Variants in TMEM74 observed in about 807,000 individuals in gnomAD.
The protein encoded by TMEM74 is transmembrane protein 74.
TMEM74 carries 13 observed loss-of-function variants against 18.1 expected under a neutral mutation model. The observed-to-expected ratio is 0.72, with a 90% CI of 0.47 to 1.14. The LOEUF (loss-of-function observed/expected upper bound fraction) is 1.14, where lower values mean the gene tolerates loss of function less well. TMEM74 is among the 50% of genes most tolerant of loss of function. The pLI is 0.00. For missense variants in TMEM74, 372 were observed against 375.9 expected, an observed-to-expected ratio of 0.99 and a Z score of 0.09; for synonymous variants, 159 against 146.6, an observed-to-expected ratio of 1.08 and a Z score of -0.61.
At chr8:108,703,629 A>G (rs894667073) in intron 1 of TMEM74, among the ~76,000 whole-genome samples, 1 of 152,184 alleles carries the variant, frequency 6.6e-6, no homozygotes, top group African/African-American at 2.4e-5. Context: ...CCTGTTTCAT[A>G]CTTATGCCTG....
At chr8:108,678,558 A>C (rs1247538046) in intron 1 of TMEM74, among the ~76,000 whole-genome samples, 1 of 149,416 alleles carries the variant, frequency 6.7e-6, no homozygotes, top group African/African-American at 2.5e-5. Context: ...TTTTTAGTAG[A>C]GACAAGGTCT....
chr8:108,649,665 A>G (rs1812753559), intron 2 of TMEM74, among the ~76,000 whole-genome samples: 1 of 152,210 alleles, frequency 6.6e-6, no homozygotes, highest in Non-Finnish European at 1.5e-5. Flanking sequence ...ACAAGCAGCC[A>G]GTAGCACCAG....
intron 2 of TMEM74, among the ~76,000 whole-genome samples, chr8:108,620,563 A>G (rs1489198596): frequency 2.0e-5 from 3 of 152,110 alleles, no homozygotes; most frequent in Admixed American, 6.6e-5. Context: ...CAAGAAGTTG[A>G]TTTGCTCCAG....
intron 2 of TMEM74, among the ~76,000 whole-genome samples, chr8:108,639,249 AAT>A (rs1421790893): frequency 1.3e-5 from 2 of 152,176 alleles, no homozygotes; most frequent in Non-Finnish European, 2.9e-5. Context: ...ACATGTAGCT[AAT>A]ACTATTATTT....
chr8:108,728,965 A>G (rs1563536877), intron 1 of TMEM74, among the ~76,000 whole-genome samples: 1 of 152,348 alleles, frequency 6.6e-6, no homozygotes, highest in East Asian at 1.9e-4. Flanking sequence ...AAGTGCGAGA[A>G]TTATAAAGTC....
intron 2 of TMEM74, among the ~76,000 whole-genome samples, chr8:108,627,056 G>A (rs1563735335): frequency 6.6e-6 from 1 of 151,970 alleles, no homozygotes; most frequent in East Asian, 1.9e-4. Flanking sequence ...TTCCCTTTAA[G>A]TGTGTAAAAA....
chr8:108,628,895 T>G (rs967925484), intron 2 of TMEM74, among the ~76,000 whole-genome samples: 3 of 151,720 alleles, frequency 2.0e-5, no homozygotes, highest in Admixed American at 1.3e-4. Context: ...GATGGTGAGA[T>G]TTTTTTTTCA....
At chr8:108,714,423 A>AGAT (rs1430597553) in intron 1 of TMEM74, among the ~76,000 whole-genome samples, 1 of 152,208 alleles carries the variant, frequency 6.6e-6, no homozygotes, top group Admixed American at 6.5e-5. Flanking sequence ...CCAAGAAAGG[A>AGAT]GATATAGATA....
chr8:108,784,426 C>T lies in TMEM74; in HGVS notation c.673G>A (p.Gly225Arg). 2.5e-6 allele frequency: 4 copies of T among 1,614,116 alleles called. No individual in the cohort carries two copies. Among genetic ancestry groups the T allele is most frequent in the Non-Finnish European group, 3.4e-6 (4 of 1,180,022 alleles). ...ERLEKESARL[G>R]AHLDRCVIAG... ...ATCACACAGCGGTCCAGGTGAGCCC[C>T]CAGCCTCGCACTCTCCTTCTCCAGG... Residue 225 changes from glycine (G) to arginine (R), a missense_variant, in exon 2 of 2, where the codon GGG becomes AGG. Gly to Arg is a moderately radical substitution (Grantham distance 125). Coordinates refer to ENST00000297459, the MANE Select transcript of TMEM74 (RefSeq NM_153015.3).
At chr8:108,718,864 C>T (rs2130629497) in intron 1 of TMEM74, among the ~76,000 whole-genome samples, 1 of 151,692 alleles carries the variant, frequency 6.6e-6, no homozygotes, top group South Asian at 2.1e-4. Flanking sequence ...TAAATGTGCT[C>T]ATTTTTAAAA....
intron 1 of TMEM74, among the ~76,000 whole-genome samples, chr8:108,756,634 GGA>G (rs1813969523): frequency 5.1e-5 from 4 of 78,326 alleles, no homozygotes; most frequent in African/African-American, 1.8e-4. Context: ...AAGGAAGGAA[GGA>G]AGGAAGAAAG....
chr8:108,714,110 T>C (rs1453302365), intron 1 of TMEM74, among the ~76,000 whole-genome samples: 2 of 152,200 alleles, frequency 1.3e-5, no homozygotes, highest in African/African-American at 4.8e-5. Flanking sequence ...CCCCTCAGAC[T>C]CACATGCTAA....
chr8:108,648,395 G>A (rs1812742024), intron 2 of TMEM74, among the ~76,000 whole-genome samples: 1 of 152,098 alleles, frequency 6.6e-6, no homozygotes. Flanking sequence ...CAACTGCCAG[G>A]TAGGTAAGAG....
At chr8:108,607,471 G>A (rs551156925) in exon 4 of TMEM74, 55 of 152,166 alleles carry the variant, frequency 3.6e-4, no homozygotes, top group Non-Finnish European at 5.3e-4. Context: ...GAGAATCTGC[G>A]CAATTAGATT....
At chr8:108,656,462 G>A (rs1386825195) in intron 1 of TMEM74, among the ~76,000 whole-genome samples, 2 of 152,076 alleles carry the variant, frequency 1.3e-5, no homozygotes, top group African/African-American at 4.8e-5. Context: ...TAGTCCATTC[G>A]AACTTCAATA....
chr8:108,664,875 A>C (rs75648690), intron 1 of TMEM74, among the ~76,000 whole-genome samples: 1 of 152,256 alleles, frequency 6.6e-6, no homozygotes, highest in African/African-American at 2.4e-5. Flanking sequence ...TTGACTCTAC[A>C]ATATTACTTC....
intron 1 of TMEM74, among the ~76,000 whole-genome samples, chr8:108,751,169 C>G (rs1009851953): frequency 7.9e-5 from 12 of 152,064 alleles, no homozygotes; most frequent in Admixed American, 7.9e-4. Context: ...TGAACTCTAA[C>G]AGAATTGCTT....
chr8:108,720,757 A>ATTAGTTT lies in TMEM74; in HGVS notation n.120-65321_120-65320insAAACTAA, dbSNP rs1563534967. ...TTATTTATTTATTTATTTATTTATT[A>ATTAGTTT]GTTTGTTTGTTTGTTTGTTTGTTTA... is the stretch of plus-strand genomic sequence containing the variant. On this transcript the variant is annotated intron_variant and non_coding_transcript_variant, in intron 1 of 3. Transcript: ENST00000518838. Among the ~76,000 whole-genome samples the ATTAGTTT allele has an allele frequency of 1.0e-4, 5 of 49,562 alleles. No individual in the cohort carries two copies. The East Asian group carries it at 2.7e-3, about 27-fold the overall frequency. 32.5% of individuals were successfully genotyped at this position (49,562 alleles called of 152,430 possible).
intron 1 of TMEM74, among the ~76,000 whole-genome samples, chr8:108,664,217 G>T (rs1484109200): frequency 6.6e-6 from 1 of 152,096 alleles, no homozygotes; most frequent in East Asian, 1.9e-4. Context: ...CCTTTGGGCA[G>T]TTTGGCCATT....
Sources: allele counts gnomAD v4.1 joint callset (sites outside exome capture counted in the v4.1 genomes callset), GRCh38; gene constraint gnomAD v4.1.1; transcripts MANE v1.5; gene names NCBI Gene and HGNC (gene_info 2026-07-23, HGNC 2026-07-21).